SH3D19: variants seen among roughly 807,000 people sequenced by gnomAD.
SH3D19 encodes SH3 domain-containing protein 19.
Under a neutral mutation model 112.1 loss-of-function variants are expected in SH3D19, and 58 were observed. The ratio of observed to expected loss-of-function variants is 0.52; its 90% confidence interval spans 0.42 to 0.64. The LOEUF (loss-of-function observed/expected upper bound fraction) is 0.64. SH3D19 is among the 30% of genes least tolerant of loss of function. SH3D19 has a pLI of 0.00. For synonymous variants in SH3D19, 391 were observed against 448.5 expected (o/e 0.87, Z 1.62); for missense variants, 1,090 against 1,263.4 (o/e 0.86, Z 2.08).
At position 151,139,718 on chromosome 4, in the gene SH3D19, G is replaced by A. The variant is rs10084969; in HGVS notation, c.2296+57C>T. On this transcript the variant is annotated intron_variant, in intron 13 of 19. Coordinates refer to ENST00000604030, the MANE Select transcript of SH3D19 (RefSeq NM_001378122.1). ...CCTTGAGAGGCTAACCCCCGGCAGG[G>A]AAAAAGACTTACTCCTGGATCCTGT... The A allele has an allele frequency of 1.8e-3, 2,818 of 1,528,784 alleles. 34 individuals carry two copies. In the African/African-American group the frequency reaches 0.031, roughly 17 times the overall value. The allele number at this position is 1,528,784 out of a possible 1,614,324, so 94.7% of individuals were successfully genotyped here.
At chr4:151,314,452 C>A (rs1246953090) in intron 1 of SH3D19, among the ~76,000 whole-genome samples, 1 of 152,146 alleles carries the variant, frequency 6.6e-6, no homozygotes, top group Non-Finnish European at 1.5e-5. Context: ...ATGAATAATT[C>A]CTATTCCAAA....
chr4:151,291,541 T>A, intron 1 of SH3D19: 1 of 943,802 alleles, frequency 1.1e-6, no homozygotes, highest in Non-Finnish European at 1.6e-6. Flanking sequence ...TTGGAAGTTT[T>A]GGGGTTGGAA....
chr4:151,244,416 C>T (rs548055061), intron 1 of SH3D19, among the ~76,000 whole-genome samples: 2 of 152,190 alleles, frequency 1.3e-5, no homozygotes, highest in African/African-American at 4.8e-5. Context: ...GAATCTGCAA[C>T]GAAGTCGGGA....
In SH3D19 at chr4:151,149,569, T is replaced by C. The variant is rs755846857; in HGVS notation, c.1756-8A>G. The C allele has an allele frequency of 6.2e-7, 1 of 1,610,482 alleles. No homozygotes were observed. The highest frequency in any genetic ancestry group is 1.3e-5 in the African/African-American group (1 of 74,974). ...ACCTGGGTGGTTGGATTCCTGCAAG[T>C]AGCAGAGAATGCTTTTTAGTTAAGG... On this transcript the variant is annotated splice_polypyrimidine_tract_variant and splice_region_variant and intron_variant, in intron 9 of 19. Coordinates refer to ENST00000604030, the MANE Select transcript of SH3D19 (RefSeq NM_001378122.1).
At chr4:151,249,425 G>T (rs77150720) in intron 1 of SH3D19, among the ~76,000 whole-genome samples, 4,607 of 152,134 alleles carry the variant, frequency 0.03, 208 homozygotes, top group African/African-American at 0.1. Context: ...GAATTAGCAC[G>T]AGCAAATGAA....
At position 151,206,332 on chromosome 4, in the gene SH3D19, T is replaced by C. The variant is rs531935002; in HGVS notation, c.153-18869A>G. On this transcript the variant is annotated intron_variant, in intron 2 of 19. Transcript: ENST00000604030. ...TTTTTTTTGTGTGTGTGTGTCTGTG[T>C]GTGTTTTGCCTTTTGTTGATGAAAG... Among the ~76,000 whole-genome samples, 3 of 152,328 alleles carry C rather than the reference T, an allele frequency of 2.0e-5. No individual in the cohort carries two copies. The East Asian group carries it at 5.8e-4, about 29-fold the overall frequency.
chr4:151,277,108 T>C, intron 1 of SH3D19: 1 of 1,253,638 alleles, frequency 8.0e-7, no homozygotes, highest in South Asian at 2.5e-5. Context: ...AGCTCCCCAT[T>C]GGCCTCTTCC....
At chr4:151,229,427 C>T (rs1769416237) in intron 1 of SH3D19, among the ~76,000 whole-genome samples, 1 of 152,060 alleles carries the variant, frequency 6.6e-6, no homozygotes. Context: ...CACTCAAAGA[C>T]CAGCAGTATA....
intron 1 of SH3D19, among the ~76,000 whole-genome samples, chr4:151,280,639 A>G (rs1774124826): frequency 6.6e-6 from 1 of 152,204 alleles, no homozygotes; most frequent in South Asian, 2.1e-4. Flanking sequence ...AGTTCAATGA[A>G]AATAAGCCAG....
intron 7 of SH3D19, among the ~76,000 whole-genome samples, chr4:151,174,247 A>C (rs1759546878): frequency 6.6e-6 from 1 of 152,168 alleles, no homozygotes; most frequent in South Asian, 2.1e-4. Context: ...ATCTAAGAGA[A>C]GCTTCCTCTG....
intron 19 of SH3D19, among the ~76,000 whole-genome samples, chr4:151,126,284 C>A (rs1387161199): frequency 6.6e-6 from 1 of 152,192 alleles, no homozygotes; most frequent in Non-Finnish European, 1.5e-5. Context: ...CTGTTTTAAA[C>A]CACACCTTGT....
At chr4:151,132,885 T>C in intron 16 of SH3D19, 149 bp downstream of exon 16, 1 of 721,962 alleles carries the variant, frequency 1.4e-6, no homozygotes, top group Non-Finnish European at 2.3e-6. Context: ...AAATAATGTC[T>C]ATCCCACACA....
intron 10 of SH3D19, among the ~76,000 whole-genome samples, chr4:151,148,571 C>T (rs1306467736): frequency 2.6e-5 from 4 of 152,024 alleles, no homozygotes; most frequent in African/African-American, 4.8e-5. Flanking sequence ...TAATAAGATA[C>T]GATGTATGTG....
At chr4:151,254,872 G>T (rs930976833) in intron 1 of SH3D19, among the ~76,000 whole-genome samples, 2 of 151,694 alleles carry the variant, frequency 1.3e-5, no homozygotes, top group Non-Finnish European at 2.9e-5. Flanking sequence ...CGGGCAGAGG[G>T]CTCCTCACTT....
chr4:151,187,395 A>T, intron 3 of SH3D19, 28 bp downstream of exon 3: 1 of 1,179,020 alleles, frequency 8.5e-7, no homozygotes, highest in Non-Finnish European at 1.1e-6. Flanking sequence ...TACAGAGGAA[A>T]ATACAGAGAA....
At chr4:151,212,664 C>T (rs767938831) in intron 2 of SH3D19, among the ~76,000 whole-genome samples, 1 of 152,214 alleles carries the variant, frequency 6.6e-6, no homozygotes, top group South Asian at 2.1e-4. Flanking sequence ...AGCTCTGATG[C>T]AGATGTACAG....
chr4:151,271,523 T>C (rs1173150224), intron 1 of SH3D19, among the ~76,000 whole-genome samples: 1 of 152,180 alleles, frequency 6.6e-6, no homozygotes. Context: ...GTAGTAGGTA[T>C]TACTGGCATT....
At chr4:151,217,892 CA>C (rs1316226128) in intron 2 of SH3D19, among the ~76,000 whole-genome samples, 5 of 151,948 alleles carry the variant, frequency 3.3e-5, no homozygotes, top group Non-Finnish European at 7.4e-5. Context: ...TTAAAAAAGT[CA>C]AATTGACAGA....
intron 1 of SH3D19, chr4:151,282,103 A>T: frequency 6.2e-7 from 1 of 1,603,464 alleles, no homozygotes; most frequent in Non-Finnish European, 8.5e-7. Flanking sequence ...GCCTGTTCTG[A>T]CCCAGCTGCA....
Sources: allele counts gnomAD v4.1 joint callset (sites outside exome capture counted in the v4.1 genomes callset), GRCh38; gene constraint gnomAD v4.1.1; transcripts MANE v1.5; gene names NCBI Gene and HGNC (gene_info 2026-07-23, HGNC 2026-07-21).